The following CUBN variants were observed in gnomAD, a reference collection of about 807,000 sequenced individuals.
CUBN encodes the protein 460 kDa receptor.
Under a neutral mutation model 405.3 loss-of-function variants are expected in CUBN, and 282 were observed. That is an observed-to-expected ratio of 0.70 (90% CI 0.63 to 0.77). CUBN has a LOEUF of 0.77. CUBN is among the 30% of genes least tolerant of loss of function. CUBN has a pLI of 0.00. For synonymous variants in CUBN, 1,684 were observed against 1,617.0 expected (o/e 1.04, Z -0.99); for missense variants, 4,514 against 4,475.2 (o/e 1.01, Z -0.25).
chr10:16,857,325 A>T (rs569153510), intron 59 of CUBN, among the ~76,000 whole-genome samples: 1 of 152,380 alleles, frequency 6.6e-6, no homozygotes, highest in African/African-American at 2.4e-5. Flanking sequence ...TCATAAAACT[A>T]AAAGAATGGT....
In CUBN at chr10:16,915,832, T is replaced by C. The variant is rs749612844; in HGVS notation, c.7199A>G (p.Asn2400Ser). 1.2e-6 allele frequency: 2 copies of C among 1,612,380 alleles called. No individual in the cohort carries two copies. The highest frequency in any genetic ancestry group is 1.3e-5 in the African/African-American group (1 of 74,754). Reference protein sequence around the residue: ...CEKDFVEIWDNHTSGNILGRY... With the variant: ...CEKDFVEIWDSHTSGNILGRY... The stretch of plus-strand genomic sequence containing the variant: ...TATATTTTACTAACCAGAGGTATGA[T>C]TGTCCCAGATCTCCACGAAGTCTTT... Residue 2400 changes from asparagine (N) to serine (S), a missense_variant, in exon 46 of 67, where the codon AAT (asparagine) becomes AGT (serine). Coordinates refer to ENST00000377833, the MANE Select transcript of CUBN (RefSeq NM_001081.4).
intron 25 of CUBN, among the ~76,000 whole-genome samples, chr10:17,044,418 G>A (rs760439430): frequency 6.6e-6 from 1 of 151,488 alleles, no homozygotes; most frequent in Non-Finnish European, 1.5e-5. Flanking sequence ...ATAAACTCAG[G>A]CAATTAAGCT....
At chr10:16,898,238 C>T (rs1841251273) in intron 54 of CUBN, among the ~76,000 whole-genome samples, 1 of 152,028 alleles carries the variant, frequency 6.6e-6, no homozygotes, top group Non-Finnish European at 1.5e-5. Flanking sequence ...CTTAGCACTA[C>T]CTATGTTATT....
At chr10:16,844,662 A>G (rs1839459370) in intron 60 of CUBN, among the ~76,000 whole-genome samples, 1 of 152,188 alleles carries the variant, frequency 6.6e-6, no homozygotes, top group African/African-American at 2.4e-5. Context: ...ATTTCTCCTA[A>G]GTGAGTTGAA....
At chr10:16,971,696 C>T (rs1360400230) in intron 31 of CUBN, among the ~76,000 whole-genome samples, 1 of 152,128 alleles carries the variant, frequency 6.6e-6, no homozygotes, top group African/African-American at 2.4e-5. Flanking sequence ...CAATCTGGCG[C>T]TTCTTGGTGT....
chr10:16,960,946 C>T (rs994669264), intron 31 of CUBN, among the ~76,000 whole-genome samples: 2 of 152,160 alleles, frequency 1.3e-5, no homozygotes, highest in Admixed American at 6.6e-5. Flanking sequence ...GACATTGGAC[C>T]CGTCCCCAAG....
chr10:16,892,299 C>T (rs1174531596), intron 54 of CUBN, among the ~76,000 whole-genome samples: 1 of 151,956 alleles, frequency 6.6e-6, no homozygotes, highest in African/African-American at 2.4e-5. Flanking sequence ...AACAAAAGTG[C>T]AGATATTCTG....
intron 48 of CUBN, among the ~76,000 whole-genome samples, chr10:16,909,431 G>A (rs1237243133): frequency 6.6e-5 from 10 of 152,182 alleles, no homozygotes; most frequent in Non-Finnish European, 4.4e-5. Flanking sequence ...GAAAGATGAT[G>A]TAATAATAGA....
chr10:17,041,805 G>T (rs778063529), intron 26 of CUBN, among the ~76,000 whole-genome samples: 1 of 152,012 alleles, frequency 6.6e-6, no homozygotes, highest in Non-Finnish European at 1.5e-5. Flanking sequence ...AGTACCAAGC[G>T]AATAGATAGA....
At chr10:17,056,831 G>T (rs78079644) in intron 22 of CUBN, among the ~76,000 whole-genome samples, 3,173 of 151,964 alleles carry the variant, frequency 0.021, 64 homozygotes, top group East Asian at 0.066. Flanking sequence ...GTATTTGTAT[G>T]CAGAATATAC....
At chr10:16,924,096 TATAAAC>T (rs147989579) in intron 43 of CUBN, among the ~76,000 whole-genome samples, 20,801 of 151,956 alleles carry the variant, frequency 0.14, 1,423 homozygotes, top group South Asian at 0.17. Flanking sequence ...CTGAGTCTAT[TATAAAC>T]AAAAACAAAA....
In CUBN at chr10:16,915,814, T is replaced by C; in HGVS notation, c.7210+7A>G. On this transcript the variant is annotated splice_region_variant and intron_variant, in intron 46 of 66. Coordinates refer to ENST00000377833, the MANE Select transcript of CUBN (RefSeq NM_001081.4). ...CACCCAAAAGAGAGCAGATATATTT[T>C]ACTAACCAGAGGTATGATTGTCCCA... The C allele has an allele frequency of 6.2e-7, 1 of 1,608,300 alleles. No homozygotes were observed.
At position 17,090,035 on chromosome 10, in the gene CUBN, G is replaced by A. The variant is rs116723115; in HGVS notation, c.1766-1690C>T. ...GGAGACTGAGGAAGGAGGATCACTT[G>A]AGCCTGGGAGGTTGAGGTTGCTGTG... On this transcript the variant is annotated intron_variant, in intron 14 of 66. Transcript: ENST00000377833. Among the ~76,000 whole-genome samples the A allele has an allele frequency of 6.2e-3, 944 of 152,258 alleles. 6 individuals are homozygous for A. Among genetic ancestry groups the A allele is most frequent in the African/African-American group, 0.021 (855 of 41,554 alleles).
intron 31 of CUBN, among the ~76,000 whole-genome samples, chr10:16,963,375 C>A (rs925482329): frequency 1.9e-4 from 29 of 151,506 alleles, no homozygotes; most frequent in Admixed American, 1.9e-3. Context: ...GTAGTAGGGA[C>A]AGGTTTTCTC....
intron 27 of CUBN, among the ~76,000 whole-genome samples, chr10:17,024,330 C>T (rs1834595007): frequency 1.3e-5 from 2 of 152,248 alleles, no homozygotes; most frequent in African/African-American, 4.8e-5. Flanking sequence ...CCTGTCCCCT[C>T]AGTAGAAATC....
At chr10:17,070,845 C>T (rs1835723848) in intron 19 of CUBN, among the ~76,000 whole-genome samples, 1 of 152,084 alleles carries the variant, frequency 6.6e-6, no homozygotes, top group Admixed American at 6.6e-5. Flanking sequence ...ATTCTGGATG[C>T]ATTTTATCTC....
Position 16,928,315 on chromosome 10 carries a change from G to T in CUBN, c.6125-12C>A, listed in dbSNP as rs1842255958. On this transcript the variant is annotated splice_polypyrimidine_tract_variant and intron_variant, in intron 40 of 66. Coordinates refer to ENST00000377833, the MANE Select transcript of CUBN (RefSeq NM_001081.4). The stretch of plus-strand genomic sequence containing the variant: ...CAAGTTATTATCTCCTACGTTGAAA[G>T]AAAGGGAACAACATGAAAATACATC... The T allele has an allele frequency of 6.2e-7, 1 of 1,613,292 alleles. No individual in the cohort carries two copies. Among genetic ancestry groups the T allele is most frequent in the Non-Finnish European group, 8.5e-7 (1 of 1,179,598 alleles).
At chr10:16,874,774 G>C (rs997372833) in intron 57 of CUBN, among the ~76,000 whole-genome samples, 29 of 152,086 alleles carry the variant, frequency 1.9e-4, no homozygotes, top group Admixed American at 1.3e-4. Context: ...CAAATTAATG[G>C]CCAGAGTGAA....
intron 28 of CUBN, among the ~76,000 whole-genome samples, chr10:17,019,233 G>A (rs912441070): frequency 6.6e-6 from 1 of 152,168 alleles, no homozygotes; most frequent in South Asian, 2.1e-4. Flanking sequence ...TTCATCTTCA[G>A]AGGAATGATG....
Sources: allele counts gnomAD v4.1 joint callset (sites outside exome capture counted in the v4.1 genomes callset), GRCh38; gene constraint gnomAD v4.1.1; transcripts MANE v1.5; gene names NCBI Gene and HGNC (gene_info 2026-07-23, HGNC 2026-07-21).